Variants in EIF2B3 observed in about 807,000 individuals in gnomAD.
EIF2B3 encodes the protein eukaryotic translation initiation factor 2B subunit gamma, also known as translation initiation factor eIF2B subunit gamma.
Under a neutral mutation model 54.1 loss-of-function variants are expected in EIF2B3, and 20 were observed. The observed-to-expected ratio is 0.37, with a 90% CI of 0.26 to 0.54. EIF2B3 has a LOEUF of 0.54. Among genes scored for constraint, EIF2B3 ranks in the 20% least tolerant of loss-of-function variants. EIF2B3 has a pLI of 0.86. For synonymous variants in EIF2B3, 153 were observed against 188.1 expected (o/e 0.81, Z 1.52); for missense variants, 448 against 547.8 (o/e 0.82, Z 1.82).
chr1:44,908,618 G>A (rs1643457864), intron 5 of EIF2B3, among the ~76,000 whole-genome samples: 1 of 152,308 alleles, frequency 6.6e-6, no homozygotes, highest in East Asian at 1.9e-4. Context: ...ATATAAGGCT[G>A]GAGGGGTAAG....
chr1:44,978,869 T>C (rs1037819031), intron 2 of EIF2B3, among the ~76,000 whole-genome samples: 1 of 151,412 alleles, frequency 6.6e-6, no homozygotes, highest in African/African-American at 2.4e-5. Context: ...ACTCCTGGGC[T>C]CAAAGGATCC....
At chr1:44,947,607 C>G (rs531260716) in intron 3 of EIF2B3, among the ~76,000 whole-genome samples, 2 of 152,072 alleles carry the variant, frequency 1.3e-5, no homozygotes, top group Non-Finnish European at 2.9e-5. Context: ...ATCTGGCAAC[C>G]GATTTCTTAT....
chr1:44,970,884 T>A (rs988041567), intron 3 of EIF2B3, among the ~76,000 whole-genome samples: 1 of 152,034 alleles, frequency 6.6e-6, no homozygotes, highest in African/African-American at 2.4e-5. Context: ...GCTATTGTAG[T>A]AAGAAAAAAC....
In EIF2B3 at chr1:44,890,129, G is replaced by A. The variant is rs1300328187; in HGVS notation, c.656+7226C>T. 2.0e-5 allele frequency among the ~76,000 whole-genome samples: 3 copies of A among 152,268 alleles called. No individual in the cohort carries two copies. The East Asian group carries it at 5.8e-4, about 29-fold the overall frequency. On this transcript the variant is annotated intron_variant, in intron 6 of 11. Coordinates refer to ENST00000360403, the MANE Select transcript of EIF2B3 (RefSeq NM_020365.5). ...CCTCACTGAGAGATAAGACTCTCAT[G>A]GGAGATGGGCTAATTCCCTCTTTTT...
intron 2 of EIF2B3, 134 bp downstream of exon 2, chr1:44,980,887 A>G (rs1490321534): frequency 9.4e-7 from 1 of 1,060,674 alleles, no homozygotes; most frequent in African/African-American, 1.6e-5. Context: ...GAGTACTCCT[A>G]CATTCCTTAA....
intron 5 of EIF2B3, among the ~76,000 whole-genome samples, chr1:44,917,187 A>T (rs1327599627): frequency 6.6e-6 from 1 of 152,104 alleles, no homozygotes; most frequent in Non-Finnish European, 1.5e-5. Context: ...CTTAGAACAC[A>T]CTATACTCTT....
intron 6 of EIF2B3, among the ~76,000 whole-genome samples, chr1:44,890,642 T>C (rs1282511801): frequency 6.6e-6 from 1 of 152,162 alleles, no homozygotes; most frequent in African/African-American, 2.4e-5. Flanking sequence ...AAAGCATATA[T>C]GTTTTTTTTC....
chr1:44,979,573 G>A (rs1011130183), intron 2 of EIF2B3, among the ~76,000 whole-genome samples: 3 of 151,086 alleles, frequency 2.0e-5, no homozygotes, highest in African/African-American at 7.3e-5. Context: ...TGGGAGGATC[G>A]TTTGATCCCA....
chr1:44,911,978 T>C (rs1643526491), intron 5 of EIF2B3, among the ~76,000 whole-genome samples: 1 of 150,884 alleles, frequency 6.6e-6, no homozygotes, highest in South Asian at 2.1e-4. Flanking sequence ...GTTCTTGCGA[T>C]AGTTTACTGA....
chr1:44,873,251 C>G (rs1257194276), intron 10 of EIF2B3, among the ~76,000 whole-genome samples: 2 of 152,106 alleles, frequency 1.3e-5, no homozygotes, highest in African/African-American at 4.8e-5. Flanking sequence ...TCAGCAGTCC[C>G]CTGCAACCCC....
At chr1:44,953,877 T>C (rs942677066) in intron 3 of EIF2B3, among the ~76,000 whole-genome samples, 1 of 152,190 alleles carries the variant, frequency 6.6e-6, no homozygotes, top group Admixed American at 6.6e-5. Flanking sequence ...AATTCACTCA[T>C]TGAAAGCAAA....
chr1:44,966,283 C>T (rs1343866864), intron 3 of EIF2B3, among the ~76,000 whole-genome samples: 1 of 151,724 alleles, frequency 6.6e-6, no homozygotes, highest in Non-Finnish European at 1.5e-5. Context: ...ACTAAAAATA[C>T]AAAAAATTGG....
intron 3 of EIF2B3, among the ~76,000 whole-genome samples, chr1:44,972,262 CACACATATACACACACAAACACACACAT>C (rs200074034): frequency 0.27 from 28,247 of 106,404 alleles, 2,887 homozygotes; most frequent in Admixed American, 0.38. Context: ...CACACACACA[CACACATATACACACACAAACACACACAT>C]GTATATACAC....
At chr1:44,878,213 TG>T (rs1202011135) in intron 8 of EIF2B3, among the ~76,000 whole-genome samples, 1 of 152,208 alleles carries the variant, frequency 6.6e-6, no homozygotes. Flanking sequence ...TTATCTGGTG[TG>T]GGTCCTACAG....
In EIF2B3 at chr1:44,926,696, C is replaced by T. The variant is rs1261172003; in HGVS notation, c.498G>A (p.Arg166=). 6.2e-7 allele frequency: 1 copy of T among 1,613,940 alleles called. No individual in the cohort carries two copies. The highest frequency in any genetic ancestry group is 1.7e-5 in the Admixed American group (1 of 60,020). The change falls in exon 5 of 12, where the codon AGG becomes AGA. Residue 166 remains arginine (R), a synonymous_variant. Transcript: ENST00000360403. ...DFIGVDSTGK[R]LLFMANEADL... is the part of the protein sequence containing the mutation. ...CTGCTTCATTAGCCATGAAGAGCAG[C>T]CTCTTTCCTGTGCTGTCCACTCCAA...
At chr1:44,918,893 A>G (rs1236678740) in intron 5 of EIF2B3, among the ~76,000 whole-genome samples, 1 of 152,196 alleles carries the variant, frequency 6.6e-6, no homozygotes, top group African/African-American at 2.4e-5. Context: ...AGTTATTATG[A>G]CTTCAGCTCT....
chr1:44,919,437 T>G, intron 5 of EIF2B3, among the ~76,000 whole-genome samples: 1 of 152,134 alleles, frequency 6.6e-6, no homozygotes. Context: ...TGCCTTGGTG[T>G]GAATAATTGT....
In EIF2B3 at chr1:44,958,647, A is replaced by G. The variant is rs909942128; in HGVS notation, c.295-16982T>C. The G allele has an allele frequency of 4.4e-6, 7 of 1,585,016 alleles. No individual in the cohort carries two copies. In the African/African-American group the frequency reaches 8.1e-5, roughly 18 times the overall value. On this transcript the variant is annotated intron_variant, in intron 3 of 11. Coordinates refer to ENST00000360403, the MANE Select transcript of EIF2B3 (RefSeq NM_020365.5). ...TGCATGGGTCACTGCCTGCTCTCACATATTCTGTGATCAGCATGGCAGTGG... is the reference window on the plus strand; with the variant it reads ...TGCATGGGTCACTGCCTGCTCTCACGTATTCTGTGATCAGCATGGCAGTGG...
At chr1:44,936,617 G>C (rs1383808428) in intron 4 of EIF2B3, among the ~76,000 whole-genome samples, 2 of 152,044 alleles carry the variant, frequency 1.3e-5, no homozygotes, top group Non-Finnish European at 2.9e-5. Context: ...GAGCCTTCCA[G>C]AGAGGCTTGT....
Sources: gnomAD v4.1 joint callset for allele counts (sites outside exome capture counted in the v4.1 genomes callset) on GRCh38, gnomAD v4.1.1 for gene constraint, MANE v1.5 for transcripts, NCBI Gene and HGNC (gene_info 2026-07-23, HGNC 2026-07-21) for gene names.